The following RAB7A variants were observed in gnomAD, a reference collection of about 807,000 sequenced individuals.
RAB7A encodes the protein ras-related protein Rab-7a.
A neutral mutation model predicts 24.5 loss-of-function variants in RAB7A; 2 were observed. That is an observed-to-expected ratio of 0.08 (90% CI 0.03 to 0.26). The LOEUF (loss-of-function observed/expected upper bound fraction) is 0.26. RAB7A is among the 10% of genes least tolerant of loss of function. The pLI is 1.00. For missense variants in RAB7A, 118 were observed against 255.7 expected, an observed-to-expected ratio of 0.46 and a Z score of 3.67; for synonymous variants, 100 against 95.9, an observed-to-expected ratio of 1.04 and a Z score of -0.25.
chr3:128,773,119 G>A (rs943598696), intron 1 of RAB7A, among the ~76,000 whole-genome samples: 2 of 150,910 alleles, frequency 1.3e-5, no homozygotes, highest in African/African-American at 2.4e-5. Flanking sequence ...GCCTCTTCCC[G>A]GCCGCCATCC....
intron 1 of RAB7A, among the ~76,000 whole-genome samples, chr3:128,737,457 C>T (rs2107584226): frequency 6.6e-6 from 1 of 151,670 alleles, no homozygotes; most frequent in African/African-American, 2.4e-5. Context: ...GATCCTCCCA[C>T]CTCAGCCTCC....
At chr3:128,741,107 T>G (rs1177649963) in intron 1 of RAB7A, among the ~76,000 whole-genome samples, 3 of 152,070 alleles carry the variant, frequency 2.0e-5, no homozygotes, top group Non-Finnish European at 4.4e-5. Context: ...TTTTGTATAT[T>G]TATAGTCTTT....
rs568577885 is a variant in RAB7A at position 128,764,990 on chromosome 3, G to A, written c.-8-30370G>A. Reference sequence around the variant, plus strand: ...TCTGAGTCCTGGTGGTAGTTCTGGCGCACCTGCGAGGTGGACGCAGTTGTC... The same window carrying A: ...TCTGAGTCCTGGTGGTAGTTCTGGCACACCTGCGAGGTGGACGCAGTTGTC... On this transcript the variant is annotated intron_variant, in intron 1 of 5. Coordinates refer to ENST00000265062, the MANE Select transcript of RAB7A (RefSeq NM_004637.6). 5.9e-4 allele frequency: 941 copies of A among 1,593,966 alleles called. 1 individual carries two copies. Among genetic ancestry groups the A allele is most frequent in the Non-Finnish European group, 7.4e-4 (867 of 1,177,514 alleles).
chr3:128,750,453 GT>G (rs1244545188), intron 1 of RAB7A, among the ~76,000 whole-genome samples: 1 of 152,032 alleles, frequency 6.6e-6, no homozygotes, highest in Non-Finnish European at 1.5e-5. Context: ...GTAGAGACGG[GT>G]TTTCACCATG....
intron 1 of RAB7A, among the ~76,000 whole-genome samples, chr3:128,776,945 TACAC>T (rs71153145): frequency 0.39 from 54,896 of 142,042 alleles, 10,510 homozygotes; most frequent in Middle Eastern, 0.46. Flanking sequence ...TTAGTTGAGC[TACAC>T]ACACACACAC....
intron 3 of RAB7A, among the ~76,000 whole-genome samples, chr3:128,800,990 CAT>C (rs1224557967): frequency 6.6e-6 from 1 of 152,220 alleles, no homozygotes; most frequent in African/African-American, 2.4e-5. Flanking sequence ...GAGGAATCCT[CAT>C]GTGTTTTTCG....
chr3:128,813,552 C>T lies in RAB7A; in HGVS notation c.*130C>T. 4 of 815,894 alleles carry T rather than the reference C, an allele frequency of 4.9e-6. No individual in the cohort carries two copies. The highest frequency in any genetic ancestry group is 8.3e-6 in the Non-Finnish European group (4 of 483,512). The allele number at this position is 815,894 out of a possible 1,614,324, so 50.5% of individuals were successfully genotyped here. ...CTCACATCCAGCTGCCAAAAGAAAA[C>T]CCCATCAAACACAGTTACACCCCAC... On this transcript the variant is annotated 3_prime_UTR_variant, in exon 6 of 6. Coordinates refer to ENST00000265062, the MANE Select transcript of RAB7A (RefSeq NM_004637.6).
At chr3:128,785,540 G>C (rs759825955) in intron 1 of RAB7A, 1 of 152,102 alleles carries the variant, frequency 6.6e-6, no homozygotes, top group Non-Finnish European at 1.5e-5. Context: ...AGGCAGATCA[G>C]TTGAATTCAG....
intron 1 of RAB7A, among the ~76,000 whole-genome samples, chr3:128,775,008 C>T (rs1933054556): frequency 6.6e-6 from 1 of 152,076 alleles, no homozygotes. Flanking sequence ...TCTCAAACTC[C>T]CAACCTCAGA....
intron 5 of RAB7A, among the ~76,000 whole-genome samples, chr3:128,810,795 T>C (rs1373489030): frequency 6.6e-6 from 1 of 152,248 alleles, no homozygotes; most frequent in East Asian, 1.9e-4. Flanking sequence ...GGCTCATGCC[T>C]GTAATCCCAG....
At chr3:128,778,256 A>G (rs1406652040) in intron 1 of RAB7A, among the ~76,000 whole-genome samples, 2 of 152,246 alleles carry the variant, frequency 1.3e-5, no homozygotes, top group African/African-American at 4.8e-5. Flanking sequence ...ACCGGTGGCT[A>G]GTAACTGTTA....
At position 128,807,572 on chromosome 3, in the gene RAB7A, C is replaced by T. The variant is rs777486903; in HGVS notation, c.429C>T (p.Cys143=). 7 of 1,614,208 alleles carry T rather than the reference C, an allele frequency of 4.3e-6. No individual in the cohort carries two copies. In the East Asian group the frequency reaches 1.1e-4, roughly 26 times the overall value. ...CCACAAAGCGGGCACAGGCCTGGTG[C>T]TACAGCAAAAACAACATTCCCTACT... ...QVATKRAQAW[C]YSKNNIPYFE... is the part of the protein sequence containing the mutation. Residue 143 remains cysteine, a synonymous_variant, in exon 5 of 6, where the codon TGC becomes TGT. Coordinates refer to ENST00000265062, the MANE Select transcript of RAB7A (RefSeq NM_004637.6).
chr3:128,729,196 A>G (rs2070409548), intron 1 of RAB7A, among the ~76,000 whole-genome samples: 4 of 152,232 alleles, frequency 2.6e-5, no homozygotes, highest in South Asian at 2.1e-4. Flanking sequence ...ACAACTCTTT[A>G]TAGTAAAGTG....
At position 128,814,786 on chromosome 3, in the gene RAB7A, C is replaced by T. The variant is rs1269445816; in HGVS notation, c.*1364C>T. On this transcript the variant is annotated 3_prime_UTR_variant, in exon 6 of 6. Coordinates refer to ENST00000265062, the MANE Select transcript of RAB7A (RefSeq NM_004637.6). ...TGAACGCAATGCCAATAAAATTGAA[C>T]AAGAACAATGATCATCTGCCTTTGC... 6.6e-6 allele frequency: 1 copy of T among 152,616 alleles called. No individual in the cohort carries two copies. Among genetic ancestry groups the T allele is most frequent in the Non-Finnish European group, 1.5e-5 (1 of 68,040 alleles). 9.5% of individuals were successfully genotyped at this position (152,616 alleles called of 1,614,324 possible).
intron 1 of RAB7A, among the ~76,000 whole-genome samples, chr3:128,789,901 C>T (rs1933419919): frequency 6.6e-6 from 1 of 151,868 alleles, no homozygotes; most frequent in Non-Finnish European, 1.5e-5. Context: ...AGCGATTCTC[C>T]TGCCTCAGCC....
chr3:128,767,931 A>G (rs553518569), intron 1 of RAB7A, among the ~76,000 whole-genome samples: 1 of 152,238 alleles, frequency 6.6e-6, no homozygotes, highest in African/African-American at 2.4e-5. Flanking sequence ...GAAACTATAC[A>G]CTTTGAGTTT....
intron 1 of RAB7A, among the ~76,000 whole-genome samples, chr3:128,793,568 C>G (rs1230572526): frequency 2.0e-5 from 3 of 152,182 alleles, no homozygotes; most frequent in Non-Finnish European, 2.9e-5. Flanking sequence ...AAACTTGCCC[C>G]CATTATCATC....
At chr3:128,801,355 T>C (rs1576301476) in intron 3 of RAB7A, among the ~76,000 whole-genome samples, 2 of 68,004 alleles carry the variant, frequency 2.9e-5, no homozygotes. Flanking sequence ...ACTAAGAGGA[T>C]CTTATTTTAA....
chr3:128,808,070 A>G (rs926542089), intron 5 of RAB7A, among the ~76,000 whole-genome samples: 2 of 152,124 alleles, frequency 1.3e-5, no homozygotes, highest in African/African-American at 4.8e-5. Context: ...TTAAAAAAAA[A>G]TTATGGCCGG....
Sources: allele counts gnomAD v4.1 joint callset (sites outside exome capture counted in the v4.1 genomes callset), GRCh38; gene constraint gnomAD v4.1.1; transcripts MANE v1.5; gene names NCBI Gene and HGNC (gene_info 2026-07-23, HGNC 2026-07-21).